Variants in ACAP2 observed in about 807,000 individuals in gnomAD.
ACAP2 encodes ArfGAP with coiled-coil, ankyrin repeat and PH domains 2.
In ACAP2, 39 loss-of-function variants were observed where a neutral mutation model predicts 115.8. The ratio of observed to expected loss-of-function variants is 0.34; its 90% CI spans 0.26 to 0.44. The LOEUF (loss-of-function observed/expected upper bound fraction) is 0.44. Among genes scored for constraint, ACAP2 ranks in the 20% least tolerant of loss-of-function variants. The pLI, the probability that ACAP2 is intolerant of heterozygous loss-of-function variation, is 1.00. For missense variants in ACAP2, 662 were observed against 927.6 expected (o/e 0.71, Z 3.72); for synonymous variants, 289 against 315.8 (o/e 0.92, Z 0.90).
intron 12 of ACAP2, chr3:195,306,902 AT>A (rs11287856): frequency 0.26 from 76,358 of 290,024 alleles, 13,954 homozygotes; most frequent in East Asian, 0.78. Context: ...AGAAACACTC[AT>A]TTTTTTTTCT....
At chr3:195,317,477 T>C (rs1729173114) in intron 10 of ACAP2, among the ~76,000 whole-genome samples, 2 of 152,206 alleles carry the variant, frequency 1.3e-5, no homozygotes, top group Non-Finnish European at 1.5e-5. Context: ...CAGAATTTTT[T>C]TGACTACTTT....
rs1308856216 is a variant in ACAP2 at position 195,285,779 on chromosome 3, A to T, written c.2236+17T>A. The T allele has an allele frequency of 2.5e-6, 4 of 1,594,616 alleles. No individual in the cohort carries two copies. In the South Asian group the frequency reaches 3.3e-5, roughly 13 times the overall value. ...TCTTATACTGCATTTCAGTATGGTT[A>T]TTAGTAGAATATTGACCTGGCTGTC... On this transcript the variant is annotated intron_variant, in intron 22 of 22. Coordinates refer to ENST00000326793, the MANE Select transcript of ACAP2 (RefSeq NM_012287.6).
At chr3:195,308,903 A>T in intron 10 of ACAP2, 66 bp from the exon 11 acceptor site, 1 of 1,445,506 alleles carries the variant, frequency 6.9e-7, no homozygotes, top group Non-Finnish European at 9.5e-7. Flanking sequence ...GTTAGAAATG[A>T]AATATTTGAG....
At chr3:195,304,917 T>C (rs971669972) in intron 13 of ACAP2, among the ~76,000 whole-genome samples, 9 of 152,204 alleles carry the variant, frequency 5.9e-5, no homozygotes, top group Admixed American at 4.6e-4. Context: ...TCTAACGCAA[T>C]AGCTCTCAAC....
intron 17 of ACAP2, chr3:195,295,147 C>T: frequency 9.1e-7 from 1 of 1,093,336 alleles, no homozygotes; most frequent in Non-Finnish European, 1.2e-6. Flanking sequence ...CCACACCGCA[C>T]AATGACCACT....
intron 2 of ACAP2, among the ~76,000 whole-genome samples, chr3:195,389,988 G>A (rs1253939764): frequency 1.3e-5 from 2 of 152,202 alleles, no homozygotes; most frequent in African/African-American, 4.8e-5. Context: ...CTGAGCACAG[G>A]AGTTCGAGAC....
chr3:195,358,342 A>G (rs1379251900), intron 4 of ACAP2, among the ~76,000 whole-genome samples: 1 of 152,200 alleles, frequency 6.6e-6, no homozygotes, highest in African/African-American at 2.4e-5. Flanking sequence ...AATATCCACT[A>G]GCATCAAGAC....
chr3:195,316,960 C>T (rs1371335953), intron 10 of ACAP2, among the ~76,000 whole-genome samples: 1 of 119,836 alleles, frequency 8.3e-6, no homozygotes, highest in African/African-American at 3.2e-5. Flanking sequence ...TGCAGTGGTG[C>T]AATCTCGGCT....
chr3:195,312,055 G>A (rs1728807943), intron 10 of ACAP2, among the ~76,000 whole-genome samples: 2 of 151,482 alleles, frequency 1.3e-5, no homozygotes, highest in South Asian at 2.1e-4. Flanking sequence ...AATTTGGGCA[G>A]GAAAAGAAAA....
At chr3:195,400,508 A>T (rs527263065) in intron 1 of ACAP2, among the ~76,000 whole-genome samples, 3 of 119,728 alleles carry the variant, frequency 2.5e-5, no homozygotes, top group Non-Finnish European at 5.1e-5. Context: ...TTTTTCCCTT[A>T]AAAAAAAAAA....
At chr3:195,350,157 C>T (rs1731456545) in intron 4 of ACAP2, 1 of 152,206 alleles carries the variant, frequency 6.6e-6, no homozygotes, top group African/African-American at 2.4e-5. Context: ...TGTTGATTCA[C>T]CTCAAATTGA....
At position 195,279,362 on chromosome 3, in the gene ACAP2, A is replaced by G. The variant is rs1047818610; in HGVS notation, c.2303T>C (p.Leu768Pro). 8 of 1,605,268 alleles carry G rather than the reference A, an allele frequency of 5.0e-6. No individual in the cohort carries two copies. The highest frequency in any genetic ancestry group is 6.8e-6 in the Non-Finnish European group (8 of 1,177,534). The change falls in exon 23 of 23, where the codon CTA (leucine) becomes CCA (proline). Residue 768 changes from leucine to proline, a missense_variant. Coordinates refer to ENST00000326793, the MANE Select transcript of ACAP2 (RefSeq NM_012287.6). ...SQMASNNPEK[L>P]NRFQQDSQKF The stretch of plus-strand genomic sequence containing the variant: ...CTGTGAATCTTGCTGGAAACGATTT[A>G]GTTTCTCTGGATTATTGGATGCCAT...
At chr3:195,363,257 T>C (rs2108702779) in intron 4 of ACAP2, among the ~76,000 whole-genome samples, 1 of 152,266 alleles carries the variant, frequency 6.6e-6, no homozygotes, top group Middle Eastern at 3.4e-3. Context: ...ATCTCCACAA[T>C]TAAAACTATA....
At chr3:195,301,741 CGGCATACACATATA>C in intron 14 of ACAP2, 97 bp from the exon 15 acceptor site, 1 of 1,240,022 alleles carries the variant, frequency 8.1e-7, no homozygotes, top group Non-Finnish European at 1.2e-6. Flanking sequence ...ATAAAGCCCT[CGGCATACACATATA>C]GGCACAGATC....
At chr3:195,415,079 C>CAAA (rs1358139378) in intron 1 of ACAP2, among the ~76,000 whole-genome samples, 1 of 152,072 alleles carries the variant, frequency 6.6e-6, no homozygotes, top group African/African-American at 2.4e-5. Context: ...TTTATCTAAA[C>CAAA]ATCAAGAATG....
chr3:195,439,533 ATGTT>A (rs1715845200), intron 1 of ACAP2, among the ~76,000 whole-genome samples: 1 of 152,150 alleles, frequency 6.6e-6, no homozygotes, highest in Non-Finnish European at 1.5e-5. Flanking sequence ...ATTCAGAAAG[ATGTT>A]TATTTATTCA....
chr3:195,430,335 ATAATTTTTT>A (rs1464551243), intron 1 of ACAP2, among the ~76,000 whole-genome samples: 3 of 152,228 alleles, frequency 2.0e-5, no homozygotes, highest in Admixed American at 1.3e-4. Context: ...GTGTAGTTAC[ATAATTTTTT>A]TAAAGTGTAT....
At chr3:195,291,520 AACCAAT>A (rs1383270079) in intron 20 of ACAP2, among the ~76,000 whole-genome samples, 180 bp downstream of exon 20, 1 of 152,210 alleles carries the variant, frequency 6.6e-6, no homozygotes, top group Non-Finnish European at 1.5e-5. Flanking sequence ...TGTATCTGAA[AACCAAT>A]AGTAGCTTTT....
chr3:195,363,726 G>A (rs964240569), intron 4 of ACAP2, among the ~76,000 whole-genome samples: 3 of 151,872 alleles, frequency 2.0e-5, no homozygotes, highest in African/African-American at 7.3e-5. Context: ...ATACTACAGA[G>A]CAATAGTAAC....
Sources: gnomAD v4.1 joint callset for allele counts (sites outside exome capture counted in the v4.1 genomes callset) on GRCh38, gnomAD v4.1.1 for gene constraint, MANE v1.5 for transcripts, NCBI Gene and HGNC (gene_info 2026-07-23, HGNC 2026-07-21) for gene names.